CACNA1I: variants seen among roughly 807,000 people sequenced by gnomAD.
The protein encoded by CACNA1I is calcium voltage-gated channel subunit alpha1 I, also known as voltage-dependent T-type calcium channel subunit alpha-1I.
In CACNA1I, 74 loss-of-function variants were observed where a neutral mutation model predicts 201.6. The ratio of observed to expected loss-of-function variants is 0.37; its 90% CI spans 0.30 to 0.45. The LOEUF (loss-of-function observed/expected upper bound fraction) is 0.45, where lower values mean the gene tolerates loss of function less well. Ranked by LOEUF, CACNA1I falls within the 20% of genes least tolerant of loss-of-function variation. The pLI is 1.00. For missense variants in CACNA1I, 2,346 were observed against 3,138.1 expected (o/e 0.75, Z 6.03); for synonymous variants, 1,431 against 1,345.2 (o/e 1.06, Z -1.40).
At chr22:39,577,742 G>A (rs1932407498) in intron 1 of CACNA1I, among the ~76,000 whole-genome samples, 1 of 152,182 alleles carries the variant, frequency 6.6e-6, no homozygotes, top group South Asian at 2.1e-4. Flanking sequence ...GGCCTGGAGA[G>A]GGGGCTTGGT....
In CACNA1I at chr22:39,685,808, G is replaced by T. The variant is rs545074245; in HGVS notation, c.6075G>T (p.Ala2025=). 1 of 1,496,802 alleles carries T rather than the reference G, an allele frequency of 6.7e-7. No individual in the cohort carries two copies. Among genetic ancestry groups the T allele is most frequent in the Non-Finnish European group, 8.8e-7 (1 of 1,130,754 alleles). 92.7% of individuals were successfully genotyped at this position (1,496,802 alleles called of 1,614,324 possible). The change falls in exon 37 of 37, where the codon GCG becomes GCT. Residue 2025 remains alanine (A), a synonymous_variant. Transcript: ENST00000402142. The surrounding 1 kb of genome is among the most constrained non-coding windows in gnomAD (Gnocchi z 5.0). The part of the protein sequence containing the change: ...TSLDASPSSS[A]GSLQTTLEDS... ...TGGACGCCAGCCCCAGCAGCTCCGC[G>T]GGCAGCCTGCAGACCACGCTCGAGG...
intron 10 of CACNA1I, among the ~76,000 whole-genome samples, chr22:39,650,878 G>A (rs78716065): frequency 2.0e-5 from 3 of 152,200 alleles, no homozygotes; most frequent in Non-Finnish European, 4.4e-5. Flanking sequence ...GATGGTGGGA[G>A]CTGGGGGAGG....
chr22:39,675,107 G>A (rs1201349403), intron 29 of CACNA1I, among the ~76,000 whole-genome samples: 2 of 152,368 alleles, frequency 1.3e-5, no homozygotes, highest in Admixed American at 6.5e-5. Flanking sequence ...TTGGAGCCCC[G>A]GCTTGGGCCA....
chr22:39,598,053 C>A, intron 1 of CACNA1I, 98 bp from the exon 2 acceptor site: 1 of 694,898 alleles, frequency 1.4e-6, no homozygotes, highest in East Asian at 2.7e-5. Flanking sequence ...GGGGTGTATG[C>A]CTGTGTGTGT....
chr22:39,571,218 T>A, intron 1 of CACNA1I: 1 of 579,496 alleles, frequency 1.7e-6, no homozygotes, highest in East Asian at 2.9e-5. Flanking sequence ...TGCTGGTGGC[T>A]GTGGGGTCAG....
rs1430827266 is a variant in CACNA1I at position 39,649,322 on chromosome 22, A to G, written c.1568-179A>G. On this transcript the variant is annotated intron_variant, in intron 9 of 36. Coordinates refer to ENST00000402142, the MANE Select transcript of CACNA1I (RefSeq NM_021096.4). This position sits in a 1 kb window ranked among gnomAD's most constrained non-coding sequence, Gnocchi z 7.3. The stretch of plus-strand genomic sequence containing the variant: ...GCCCCAACTTCTACAACAGGGGCAG[A>G]CAAAGCTCAGAGAGCTGCAGCCGCT... 6.6e-6 allele frequency among the ~76,000 whole-genome samples: 1 copy of G among 152,238 alleles called. No homozygotes were observed. The highest frequency in any genetic ancestry group is 1.9e-4 in the East Asian group (1 of 5,198).
chr22:39,681,939 T>C (rs1221344673), intron 34 of CACNA1I, among the ~76,000 whole-genome samples: 1 of 152,174 alleles, frequency 6.6e-6, no homozygotes, highest in Non-Finnish European at 1.5e-5. Context: ...GCACAGTTTC[T>C]GGGACTCAGC....
At chr22:39,601,835 T>TTCCC (rs1300230702) in intron 3 of CACNA1I, among the ~76,000 whole-genome samples, 3 of 79,116 alleles carry the variant, frequency 3.8e-5, no homozygotes, top group South Asian at 6.2e-4. Flanking sequence ...CCTTCCTTCC[T>TTCCC]TCCCTCCCTC....
intron 4 of CACNA1I, among the ~76,000 whole-genome samples, chr22:39,622,599 G>C (rs182508794): frequency 0.016 from 2,384 of 149,534 alleles, 80 homozygotes; most frequent in African/African-American, 0.054. Context: ...AGTGCGGTGT[G>C]GGGGGGGCGG....
At chr22:39,577,987 A>G (rs984766430) in intron 1 of CACNA1I, among the ~76,000 whole-genome samples, 4 of 152,220 alleles carry the variant, frequency 2.6e-5, no homozygotes, top group Non-Finnish European at 5.9e-5. Context: ...TGGGGCAAGC[A>G]TGGACAAACT....
intron 1 of CACNA1I, 146 bp downstream of exon 1, chr22:39,571,134 C>T: frequency 4.3e-6 from 3 of 701,168 alleles, no homozygotes; most frequent in Non-Finnish European, 7.6e-6. Context: ...GGTGAGCGAG[C>T]TCAGAGGGTG....
At position 39,658,148 on chromosome 22, in the gene CACNA1I, A is replaced by G. The variant is rs1412867914; in HGVS notation, c.1993-4A>G. On this transcript the variant is annotated splice_polypyrimidine_tract_variant and splice_region_variant and intron_variant, in intron 10 of 36. Transcript: ENST00000402142. ...TCTCCATTCCCCACCCCAATGCCCCACAGCCGGAGGAGCTGACCAACATCC... is the reference window on the plus strand; with the variant it reads ...TCTCCATTCCCCACCCCAATGCCCCGCAGCCGGAGGAGCTGACCAACATCC... The G allele has an allele frequency of 6.2e-7, 1 of 1,613,700 alleles. No homozygotes were observed. The highest frequency in any genetic ancestry group is 8.5e-7 in the Non-Finnish European group (1 of 1,179,726).
At chr22:39,614,207 A>G (rs1209855617) in intron 3 of CACNA1I, among the ~76,000 whole-genome samples, 1 of 152,018 alleles carries the variant, frequency 6.6e-6, no homozygotes, top group Non-Finnish European at 1.5e-5. Context: ...AATCCAGCTG[A>G]GAGAGGAGTA....
Position 39,666,096 on chromosome 22 carries a change from T to G in CACNA1I, c.4104+90T>G. Reference sequence around the variant, plus strand: ...ATCACAGACCTGGCTTGTCTTGCACTGCCAGGACTGACACTGACTTCTCCT... The same window carrying G: ...ATCACAGACCTGGCTTGTCTTGCACGGCCAGGACTGACACTGACTTCTCCT... On this transcript the variant is annotated intron_variant, in intron 23 of 36. Coordinates refer to ENST00000402142, the MANE Select transcript of CACNA1I (RefSeq NM_021096.4). This position sits in a 1 kb window ranked among gnomAD's most constrained non-coding sequence, Gnocchi z 4.1. The G allele has an allele frequency of 6.9e-7, 1 of 1,459,158 alleles. No homozygotes were observed. Among genetic ancestry groups the G allele is most frequent in the Non-Finnish European group, 9.4e-7 (1 of 1,068,584 alleles). The allele number at this position is 1,459,158 out of a possible 1,614,324, so 90.4% of individuals were successfully genotyped here.
intron 3 of CACNA1I, among the ~76,000 whole-genome samples, chr22:39,608,682 A>G (rs1343852653): frequency 6.8e-6 from 1 of 147,562 alleles, no homozygotes; most frequent in African/African-American, 2.5e-5. Context: ...AAAAAAAAAA[A>G]AAATGTGTGT....
At chr22:39,651,334 G>A (rs548291497) in intron 10 of CACNA1I, among the ~76,000 whole-genome samples, 4 of 152,326 alleles carry the variant, frequency 2.6e-5, no homozygotes, top group East Asian at 1.9e-4. Context: ...CTCCCTCTTC[G>A]TTAGCTCACC....
In CACNA1I at chr22:39,677,272, A is replaced by C. The variant is rs1601526362; in HGVS notation, c.4855-69A>C. On this transcript the variant is annotated intron_variant, in intron 29 of 36. Coordinates refer to ENST00000402142, the MANE Select transcript of CACNA1I (RefSeq NM_021096.4). This position sits in a 1 kb window ranked among gnomAD's most constrained non-coding sequence, Gnocchi z 4.8. ...GCCCAACCCCACTGCCCCAGCCTCCACCCTTCCCAGGCCTGGTGCGCCCCC... is the reference window on the plus strand; with the variant it reads ...GCCCAACCCCACTGCCCCAGCCTCCCCCCTTCCCAGGCCTGGTGCGCCCCC... 9.3e-7 allele frequency: 1 copy of C among 1,071,932 alleles called. No homozygotes were observed. Among genetic ancestry groups the C allele is most frequent in the Non-Finnish European group, 1.4e-6 (1 of 727,764 alleles). The allele number at this position is 1,071,932 out of a possible 1,614,324, so 66.4% of individuals were successfully genotyped here.
chr22:39,664,208 C>CT, intron 20 of CACNA1I, 49 bp downstream of exon 20: 2 of 1,507,870 alleles, frequency 1.3e-6, no homozygotes, highest in Non-Finnish European at 1.8e-6. Flanking sequence ...GCTCGGGCCC[C>CT]TGGCCCTGGG....
rs368940911 is a variant in CACNA1I at position 39,642,435 on chromosome 22, T to TA, written c.1057-361dup. Among the ~76,000 whole-genome samples, 264 of 151,820 alleles carry TA rather than the reference T, an allele frequency of 1.7e-3. 1 individual carries two copies. The highest frequency in any genetic ancestry group is 6.0e-3 in the African/African-American group (249 of 41,384). The stretch of plus-strand genomic sequence containing the variant: ...AGCTCTGCCAGGTGGGCTCCCCACA[T>TA]ACAGAAGAAGCGGCTGAGACTCAAA... On this transcript the variant is annotated intron_variant, in intron 6 of 36. Coordinates refer to ENST00000402142, the MANE Select transcript of CACNA1I (RefSeq NM_021096.4).
Sources: gnomAD v4.1 joint callset for allele counts (sites outside exome capture counted in the v4.1 genomes callset) on GRCh38, gnomAD v4.1.1 for gene constraint, Gnocchi (gnomAD v3.1) non-coding constraint, MANE v1.5 for transcripts, NCBI Gene and HGNC (gene_info 2026-07-23, HGNC 2026-07-21) for gene names.